The following RIMKLB variants were observed in gnomAD, a reference collection of about 807,000 sequenced individuals.
RIMKLB encodes beta-citrylglutamate synthase B.
Under a neutral mutation model 32.0 loss-of-function variants are expected in RIMKLB, and 7 were observed. That is an observed-to-expected ratio of 0.22 (90% CI 0.12 to 0.41). RIMKLB has a LOEUF of 0.41. RIMKLB is among the 10% of genes least tolerant of loss of function. The probability of loss-of-function intolerance (pLI) is 1.00; values close to 1 mark genes in which losing one functional copy is unlikely to be tolerated. For synonymous variants in RIMKLB, 172 were observed against 185.1 expected, an observed-to-expected ratio of 0.93 and a Z score of 0.57; for missense variants, 289 against 498.7, an observed-to-expected ratio of 0.58 and a Z score of 4.00.
At chr12:8,741,363 GCA>G (rs1947503735) in intron 2 of RIMKLB, among the ~76,000 whole-genome samples, 1 of 150,656 alleles carries the variant, frequency 6.6e-6, no homozygotes. Flanking sequence ...GGGCGACAGA[GCA>G]AGACTCCACC....
intron 2 of RIMKLB, among the ~76,000 whole-genome samples, chr12:8,733,113 G>A (rs1044888215): frequency 1.3e-5 from 2 of 152,024 alleles, no homozygotes; most frequent in Admixed American, 6.6e-5. Context: ...AATACCCGTA[G>A]ACATTTTGTT....
At chr12:8,697,959 C>G (rs1169206830), upstream of RIMKLB, 1 of 150,152 alleles carries the variant, frequency 6.7e-6, no homozygotes, top group Non-Finnish European at 1.5e-5. Context: ...CGGCGTCGCG[C>G]GCGCTGTGTG....
intron 2 of RIMKLB, among the ~76,000 whole-genome samples, chr12:8,749,234 T>TG: frequency 6.6e-6 from 1 of 151,606 alleles, no homozygotes. Context: ...TTTTTTTTTT[T>TG]TGAGTCTCTC....
chr12:8,753,396 A>C (rs1208166128), intron 4 of RIMKLB, among the ~76,000 whole-genome samples: 1 of 152,202 alleles, frequency 6.6e-6, no homozygotes, highest in African/African-American at 2.4e-5. Context: ...ATTTAGAACC[A>C]TATATCAAAA....
chr12:8,738,806 T>A (rs1483018559), intron 2 of RIMKLB, among the ~76,000 whole-genome samples: 3 of 152,178 alleles, frequency 2.0e-5, no homozygotes, highest in Non-Finnish European at 4.4e-5. Flanking sequence ...AGATGGAAGA[T>A]GTTACAAAAA....
At position 8,774,103 on chromosome 12, in the gene RIMKLB, C is replaced by T. The variant is rs1478404989; in HGVS notation, c.*319C>T. 3 of 1,055,974 alleles carry T rather than the reference C, an allele frequency of 2.8e-6. No homozygotes were observed. The highest frequency in any genetic ancestry group is 3.4e-5 in the African/African-American group (2 of 59,352). 65.4% of individuals were successfully genotyped at this position (1,055,974 alleles called of 1,614,324 possible). On this transcript the variant is annotated 3_prime_UTR_variant, in exon 6 of 6. Coordinates refer to ENST00000535829, the MANE Select transcript of RIMKLB (RefSeq NM_001297776.2). Reference sequence around the variant, plus strand: ...CAAATACTTTTTTTTTTTCATGGTCCCTTGCTTTTGTTTTTGTACAAAAAA... The same window carrying T: ...CAAATACTTTTTTTTTTTCATGGTCTCTTGCTTTTGTTTTTGTACAAAAAA...
chr12:8,674,153 TAA>T, the RIMKLB span, among the ~76,000 whole-genome samples: 225 of 152,084 alleles, frequency 1.5e-3, no homozygotes, highest in African/African-American at 5.1e-3. Flanking sequence ...AGACTAGGGT[TAA>T]GTGTCAGATA....
At chr12:8,724,196 G>C (rs1365011548) in intron 2 of RIMKLB, among the ~76,000 whole-genome samples, 1 of 151,978 alleles carries the variant, frequency 6.6e-6, no homozygotes, top group Admixed American at 6.6e-5. Flanking sequence ...TTTCAAGTTC[G>C]CTCCCTAGGG....
In RIMKLB at chr12:8,698,961, C is replaced by CCA. The variant is rs1555146420; in HGVS notation, c.-57+664_-57+665insCA. ...ACACTACTTGCCCCTCACCCCCCCC[C>CCA]AAAAAAAACCCAAACCAGAGTGGTA... On this transcript the variant is annotated intron_variant, in intron 1 of 5. Coordinates refer to ENST00000535829, the MANE Select transcript of RIMKLB (RefSeq NM_001297776.2). Among the ~76,000 whole-genome samples the CCA allele has an allele frequency of 2.5e-3, 364 of 146,770 alleles. 3 individuals carry two copies. Among genetic ancestry groups the CCA allele is most frequent in the East Asian group, 0.016 (80 of 5,124 alleles).
intron 1 of RIMKLB, among the ~76,000 whole-genome samples, chr12:8,712,656 A>T (rs1944471350): frequency 6.6e-6 from 1 of 152,112 alleles, no homozygotes; most frequent in Admixed American, 6.6e-5. Context: ...TGGCATTTCA[A>T]GGTGCTTGGG....
chr12:8,776,777 TG>T lies in RIMKLB; in HGVS notation c.*2995del. The T allele has an allele frequency of 2.0e-6, 2 of 985,458 alleles. No individual in the cohort carries two copies. The highest frequency in any genetic ancestry group is 2.4e-6 in the Non-Finnish European group (2 of 829,844). 61.0% of individuals were successfully genotyped at this position (985,458 alleles called of 1,614,324 possible). The stretch of plus-strand genomic sequence containing the variant: ...TATGTTACCAATAAGAAAACTACCC[TG>T]GAACAGTAGAAAAACCCAACAAGAG... On this transcript the variant is annotated 3_prime_UTR_variant, in exon 6 of 6. Transcript: ENST00000535829.
the RIMKLB span, among the ~76,000 whole-genome samples, chr12:8,675,594 C>T: frequency 6.6e-6 from 1 of 152,118 alleles, no homozygotes; most frequent in African/African-American, 2.4e-5. Context: ...TATTCTGGTA[C>T]AAAGAGTGGA....
At chr12:8,704,216 T>C (rs1268092864) in intron 1 of RIMKLB, among the ~76,000 whole-genome samples, 1 of 152,090 alleles carries the variant, frequency 6.6e-6, no homozygotes, top group East Asian at 1.9e-4. Context: ...ACCCTGTCTC[T>C]ACCAAAAAAT....
chr12:8,722,514 C>T (rs1008528948), intron 2 of RIMKLB, among the ~76,000 whole-genome samples: 1 of 152,154 alleles, frequency 6.6e-6, no homozygotes, highest in African/African-American at 2.4e-5. Context: ...TTTAAGAACC[C>T]TAGGATTTTT....
chr12:8,782,419 A>G (rs1416461854), intron 7 of RIMKLB, among the ~76,000 whole-genome samples: 1 of 152,154 alleles, frequency 6.6e-6, no homozygotes, highest in Admixed American at 6.5e-5. Context: ...ACACACATAT[A>G]TATATTTAAC....
chr12:8,688,644 A>G (rs1942647038), intron 1 of RIMKLB, among the ~76,000 whole-genome samples: 1 of 152,174 alleles, frequency 6.6e-6, no homozygotes, highest in South Asian at 2.1e-4. Flanking sequence ...GTTATACCAG[A>G]GGATTTTTAA....
chr12:8,754,131 A>G (rs1219320270), intron 5 of RIMKLB, 38 bp downstream of exon 5: 2 of 1,438,560 alleles, frequency 1.4e-6, no homozygotes. Flanking sequence ...TATATAAAGT[A>G]ACATTTATAA....
At chr12:8,769,368 T>A (rs967846086) in intron 5 of RIMKLB, among the ~76,000 whole-genome samples, 1 of 152,162 alleles carries the variant, frequency 6.6e-6, no homozygotes, top group Non-Finnish European at 1.5e-5. Flanking sequence ...GGATATATAC[T>A]CTGGTCAGGA....
upstream of RIMKLB, chr12:8,678,903 C>G (rs757663494): frequency 6.6e-6 from 1 of 152,344 alleles, no homozygotes; most frequent in Admixed American, 6.5e-5. Context: ...CTTTATGTCA[C>G]TGAAGATGAT....
Sources: gnomAD v4.1 joint callset for allele counts (sites outside exome capture counted in the v4.1 genomes callset) on GRCh38, gnomAD v4.1.1 for gene constraint, MANE v1.5 for transcripts, NCBI Gene and HGNC (gene_info 2026-07-23, HGNC 2026-07-21) for gene names.